OR3A2: variants seen among roughly 807,000 people sequenced by gnomAD.
OR3A2 encodes the protein olfactory receptor 3A2.
For missense variants in OR3A2, 318 were observed against 392.8 expected (o/e 0.81, Z 1.61); for synonymous variants, 126 against 159.3 (o/e 0.79, Z 1.57).
intron 2 of OR3A2, among the ~76,000 whole-genome samples, chr17:3,353,061 C>T (rs1199439867): frequency 2.0e-5 from 3 of 149,260 alleles, no homozygotes; most frequent in Non-Finnish European, 4.5e-5. Flanking sequence ...TATAGATATG[C>T]TACTTTTTTT....
Position 3,311,403 on chromosome 17 carries a change from G to A in OR3A2, c.-85+24630C>T, listed in dbSNP as rs1360657566. The A allele has an allele frequency of 1.0e-5, 5 of 501,128 alleles. No individual in the cohort carries two copies. Among genetic ancestry groups the A allele is most frequent in the African/African-American group, 7.8e-5 (4 of 51,396 alleles). 31.0% of individuals were successfully genotyped at this position (501,128 alleles called of 1,614,324 possible). A position where few individuals can be genotyped will look rare whatever the true frequency, so the allele number is the denominator to read the frequency against. On this transcript the variant is annotated intron_variant, in intron 3 of 4. Coordinates refer to the OR3A2 transcript ENST00000573491. The surrounding 1 kb of genome is among the most constrained non-coding windows in gnomAD (Gnocchi z 4.6). ...AGCTTCTCACCAACAGCACTCGCATGAGCTGTGAAGTCCAGGGTGCCCTGG... is the reference window on the plus strand; with the variant it reads ...AGCTTCTCACCAACAGCACTCGCATAAGCTGTGAAGTCCAGGGTGCCCTGG...
chr17:3,338,449 T>C (rs927590183), intron 2 of OR3A2, among the ~76,000 whole-genome samples: 2 of 152,178 alleles, frequency 1.3e-5, no homozygotes, highest in East Asian at 3.8e-4. Context: ...AATTTTTGTA[T>C]AAAGTGTAAG....
At chr17:3,329,300 T>C (rs1159763087) in intron 3 of OR3A2, among the ~76,000 whole-genome samples, 1 of 150,504 alleles carries the variant, frequency 6.6e-6, no homozygotes, top group Non-Finnish European at 1.5e-5. Flanking sequence ...CTGTTCCTCC[T>C]TGTACCTCTG....
intron 3 of OR3A2, among the ~76,000 whole-genome samples, chr17:3,319,838 G>A (rs550697367): frequency 9.9e-5 from 15 of 152,196 alleles, no homozygotes; most frequent in Middle Eastern, 3.4e-3. Context: ...ATAAACATAC[G>A]TGTGCATGTG....
chr17:3,280,707 G>C (rs2048771882), intron 1 of OR3A2, among the ~76,000 whole-genome samples: 1 of 152,210 alleles, frequency 6.6e-6, no homozygotes, highest in Admixed American at 6.5e-5. Flanking sequence ...CAGAGGATGG[G>C]AAGCAGCTGG....
At chr17:3,352,925 TC>T (rs2049432179) in intron 2 of OR3A2, among the ~76,000 whole-genome samples, 2 of 151,824 alleles carry the variant, frequency 1.3e-5, no homozygotes, top group South Asian at 4.1e-4. Context: ...ATTTCTTTTA[TC>T]AGTGTTTTAC....
chr17:3,325,173 C>T (rs1453607700), intron 3 of OR3A2, among the ~76,000 whole-genome samples: 1 of 147,172 alleles, frequency 6.8e-6, no homozygotes, highest in Non-Finnish European at 1.5e-5. Flanking sequence ...TTTATTTTAA[C>T]TCTACAGCTT....
At chr17:3,330,182 T>C (rs1200177387) in intron 3 of OR3A2, among the ~76,000 whole-genome samples, 2 of 151,266 alleles carry the variant, frequency 1.3e-5, no homozygotes, top group African/African-American at 4.9e-5. Context: ...AAAAAATGTA[T>C]ATTCTGTTGA....
chr17:3,333,920 C>G (rs1208393273), intron 3 of OR3A2, among the ~76,000 whole-genome samples: 3 of 151,950 alleles, frequency 2.0e-5, no homozygotes, highest in African/African-American at 4.8e-5. Flanking sequence ...AAAAAACAAC[C>G]AACCCCATCA....
At chr17:3,310,921 T>A in intron 3 of OR3A2, 3 of 646,012 alleles carry the variant, frequency 4.6e-6, no homozygotes, top group African/African-American at 1.9e-5. Context: ...TTGCTGTTTG[T>A]AGCAGCAGCT....
At chr17:3,283,077 T>C (rs942898329) in intron 1 of OR3A2, among the ~76,000 whole-genome samples, 6 of 152,140 alleles carry the variant, frequency 3.9e-5, no homozygotes, top group African/African-American at 1.4e-4. Context: ...TATACACCAT[T>C]TCTTGGAATT....
intron 2 of OR3A2, among the ~76,000 whole-genome samples, chr17:3,383,493 G>T (rs772637055): frequency 1.2e-4 from 19 of 152,174 alleles, no homozygotes; most frequent in Non-Finnish European, 2.8e-4. Flanking sequence ...AAATGAAGTG[G>T]GTCCACGTTT....
Position 3,294,116 on chromosome 17 carries a change from AT to A in OR3A2, c.-84-14964del, listed in dbSNP as rs1319308395. 9.8e-5 allele frequency among the ~76,000 whole-genome samples: 15 copies of A among 152,298 alleles called. No individual in the cohort carries two copies. In the East Asian group the frequency reaches 2.5e-3, roughly 25 times the overall value. On this transcript the variant is annotated intron_variant, in intron 3 of 4. Transcript: ENST00000573491. ...CACATGTACCCCAGAACTTAAAAAA[AT>A]AAAATAATAACAATAAAAAAGAAAA...
At chr17:3,354,105 A>G (rs978178766) in intron 2 of OR3A2, among the ~76,000 whole-genome samples, 34 of 151,940 alleles carry the variant, frequency 2.2e-4, no homozygotes, top group African/African-American at 7.5e-4. Flanking sequence ...AGATTTCTGC[A>G]CCAGTATTCA....
chr17:3,276,491 T>C (rs1364223255), downstream of OR3A2, among the ~76,000 whole-genome samples: 2 of 152,200 alleles, frequency 1.3e-5, no homozygotes, highest in Non-Finnish European at 2.9e-5. Context: ...CAAAATAATA[T>C]CGTCTGAATG....
intron 3 of OR3A2, among the ~76,000 whole-genome samples, chr17:3,326,539 CTG>C (rs2049174751): frequency 6.7e-6 from 1 of 149,146 alleles, no homozygotes; most frequent in African/African-American, 2.5e-5. Context: ...TTTCTTATGC[CTG>C]TCTTTTTTTT....
chr17:3,321,865 C>T (rs537999161), intron 3 of OR3A2, among the ~76,000 whole-genome samples: 1 of 151,788 alleles, frequency 6.6e-6, no homozygotes, highest in East Asian at 1.9e-4. Context: ...TCTCTGCCAG[C>T]CTTTGGTATC....
chr17:3,364,155 G>T (rs567636460), intron 2 of OR3A2, among the ~76,000 whole-genome samples: 1 of 152,090 alleles, frequency 6.6e-6, no homozygotes. Flanking sequence ...AAAAGCTAAG[G>T]TCCTGAAATT....
chr17:3,336,463 G>A (rs184061570), intron 2 of OR3A2, among the ~76,000 whole-genome samples: 1 of 152,228 alleles, frequency 6.6e-6, no homozygotes, highest in East Asian at 1.9e-4. Context: ...TGTGTAAGAA[G>A]TGTAACTAAT....
Sources: gnomAD v4.1 joint callset for allele counts (sites outside exome capture counted in the v4.1 genomes callset) on GRCh38, gnomAD v4.1.1 for gene constraint, Gnocchi (gnomAD v3.1) non-coding constraint, MANE v1.5 for transcripts, NCBI Gene and HGNC (gene_info 2026-07-23, HGNC 2026-07-21) for gene names.